Variants in CNBD1 observed in about 807,000 individuals in gnomAD.
The protein encoded by CNBD1 is cyclic nucleotide-binding domain-containing protein 1.
CNBD1 carries 71 observed loss-of-function variants against 54.4 expected under a neutral mutation model. The observed-to-expected ratio is 1.30, with a 90% CI of 1.08 to 1.59. The LOEUF (loss-of-function observed/expected upper bound fraction) is 1.59, where lower values mean the gene tolerates loss of function less well. CNBD1 is among the 40% of genes most tolerant of loss of function. The pLI, the probability that CNBD1 is intolerant of heterozygous loss-of-function variation, is 0.00. For missense variants in CNBD1, 659 were observed against 518.0 expected, an observed-to-expected ratio of 1.27 and a Z score of -2.64; for synonymous variants, 182 against 170.7, an observed-to-expected ratio of 1.07 and a Z score of -0.51.
intron 4 of CNBD1, among the ~76,000 whole-genome samples, chr8:86,983,301 G>T (rs1808529485): frequency 6.6e-6 from 1 of 152,122 alleles, no homozygotes; most frequent in Admixed American, 6.5e-5. Context: ...CATGATTGAG[G>T]CCGTGTGGAA....
At position 87,216,831 on chromosome 8, in the gene CNBD1, C is replaced by T. The variant is rs140264462; in HGVS notation, c.577+10693C>T. On this transcript the variant is annotated intron_variant, in intron 5 of 10. Transcript: ENST00000518476. ...AAACTTGTTTGTTAACATGTATCAT[C>T]AAAGAGCCTTCACTAGAATAATATG... 2.0e-5 allele frequency among the ~76,000 whole-genome samples: 3 copies of T among 152,244 alleles called. No homozygotes were observed. In the East Asian group the frequency reaches 5.8e-4, roughly 29 times the overall value.
At chr8:87,119,054 G>A (rs1027496455) in intron 4 of CNBD1, among the ~76,000 whole-genome samples, 2 of 152,034 alleles carry the variant, frequency 1.3e-5, no homozygotes, top group Non-Finnish European at 2.9e-5. Context: ...GCCAAGTACT[G>A]TCAAATGTAT....
rs1554629463 is a variant in CNBD1 at position 86,908,800 on chromosome 8, T to TTTAGACGGAGTCC, written c.272+3607_272+3608insTAGACGGAGTCCT. Among the ~76,000 whole-genome samples the TTTAGACGGAGTCC allele has an allele frequency of 5.6e-3, 752 of 135,192 alleles. 2 individuals are homozygous for TTTAGACGGAGTCC. The highest frequency in any genetic ancestry group is 7.7e-3 in the East Asian group (36 of 4,660). The allele number at this position is 135,192 out of a possible 152,430, so 88.7% of individuals were successfully genotyped here. A position where few individuals can be genotyped will look rare whatever the true frequency, so the allele number is the denominator to read the frequency against. ...ATAAGAATTCTTTTTTTTTTTTTTT[T>TTTAGACGGAGTCC]TGTGCTGAGGGCAGGAGTGCAGTGG... On this transcript the variant is annotated intron_variant, in intron 3 of 10. Transcript: ENST00000518476.
At chr8:87,331,939 T>G (rs560044868) in intron 8 of CNBD1, among the ~76,000 whole-genome samples, 2 of 152,226 alleles carry the variant, frequency 1.3e-5, no homozygotes, top group East Asian at 3.9e-4. Flanking sequence ...TTGTTTAAAT[T>G]CCCTGTAAAT....
intron 2 of CNBD1, among the ~76,000 whole-genome samples, chr8:87,422,932 T>G (rs1807967593): frequency 6.6e-6 from 1 of 152,006 alleles, no homozygotes; most frequent in Admixed American, 6.5e-5. Context: ...CGTTTGTTTG[T>G]ATCCTCTTTT....
chr8:87,315,232 A>C (rs1009123101), intron 8 of CNBD1, among the ~76,000 whole-genome samples: 46 of 152,178 alleles, frequency 3.0e-4, no homozygotes, highest in East Asian at 2.9e-3. Context: ...ATAGAGGTGA[A>C]TATATTCCAG....
At chr8:87,320,828 A>G (rs1041090301) in intron 8 of CNBD1, among the ~76,000 whole-genome samples, 1 of 152,130 alleles carries the variant, frequency 6.6e-6, no homozygotes, top group Middle Eastern at 3.2e-3. Context: ...TTCACCTTGC[A>G]TAACTGAAAT....
chr8:87,366,202 C>T (rs28733530), intron 10 of CNBD1, among the ~76,000 whole-genome samples: 2,156 of 152,054 alleles, frequency 0.014, 54 homozygotes, highest in African/African-American at 0.049. Flanking sequence ...GGTTCAACTG[C>T]GTTCTATTCT....
chr8:87,404,736 A>G (rs963695439), intron 2 of CNBD1, among the ~76,000 whole-genome samples: 3 of 152,126 alleles, frequency 2.0e-5, no homozygotes, highest in African/African-American at 7.2e-5. Flanking sequence ...TTCTCTTTCC[A>G]GTATGTAAGG....
At chr8:87,026,743 G>C (rs1278518024) in intron 4 of CNBD1, among the ~76,000 whole-genome samples, 1 of 151,978 alleles carries the variant, frequency 6.6e-6, no homozygotes, top group Admixed American at 6.6e-5. Context: ...TTACTACCTT[G>C]TTTCATAAAT....
At chr8:87,296,319 C>A (rs1291412436) in intron 8 of CNBD1, among the ~76,000 whole-genome samples, 1 of 151,994 alleles carries the variant, frequency 6.6e-6, no homozygotes, top group African/African-American at 2.4e-5. Flanking sequence ...TGGAAAGTTT[C>A]TTCACATTCG....
chr8:87,241,439 T>G (rs1020041933), intron 6 of CNBD1, among the ~76,000 whole-genome samples: 4 of 151,612 alleles, frequency 2.6e-5, no homozygotes, highest in Non-Finnish European at 5.9e-5. Context: ...CCTGGCTAAT[T>G]TTTTTTGTAT....
chr8:86,877,588 A>G (rs1808539575), intron 1 of CNBD1, among the ~76,000 whole-genome samples: 2 of 152,268 alleles, frequency 1.3e-5, no homozygotes, highest in South Asian at 4.1e-4. Context: ...TGCTGCTAAA[A>G]TAATTCTTTA....
chr8:87,390,158 T>A (rs1811277951), intron 2 of CNBD1, among the ~76,000 whole-genome samples: 2 of 151,994 alleles, frequency 1.3e-5, no homozygotes, highest in Non-Finnish European at 2.9e-5. Context: ...GGAGAAAACC[T>A]AGGCAATACC....
At chr8:87,082,201 C>T (rs1479120088) in intron 4 of CNBD1, among the ~76,000 whole-genome samples, 6 of 152,156 alleles carry the variant, frequency 3.9e-5, no homozygotes, top group Non-Finnish European at 8.8e-5. Context: ...TGACATTCCC[C>T]CCGGACAATG....
intron 4 of CNBD1, among the ~76,000 whole-genome samples, chr8:87,018,974 T>A (rs1809426370): frequency 6.6e-6 from 1 of 152,340 alleles, no homozygotes. Context: ...ATTTTCTGCT[T>A]ACTATAAAAT....
intron 4 of CNBD1, among the ~76,000 whole-genome samples, chr8:87,160,851 A>G (rs1812843450): frequency 6.6e-6 from 1 of 151,952 alleles, no homozygotes. Context: ...CGTGGAGAAC[A>G]CTCTTTGATG....
chr8:86,993,137 G>T (rs1047806417), intron 4 of CNBD1, among the ~76,000 whole-genome samples: 15 of 151,932 alleles, frequency 9.9e-5, no homozygotes, highest in African/African-American at 2.9e-4. Flanking sequence ...ATTTCTTGGA[G>T]ATTTTATTCA....
chr8:86,908,906 C>T (rs1052512502), intron 3 of CNBD1, among the ~76,000 whole-genome samples: 38 of 151,308 alleles, frequency 2.5e-4, no homozygotes, highest in Non-Finnish European at 4.4e-4. Context: ...TACAGGCACC[C>T]GCCACTACGC....
Sources: gnomAD v4.1 joint callset for allele counts (sites outside exome capture counted in the v4.1 genomes callset) on GRCh38, gnomAD v4.1.1 for gene constraint, MANE v1.5 for transcripts, NCBI Gene and HGNC (gene_info 2026-07-23, HGNC 2026-07-21) for gene names.